The following NKIRAS1 variants were observed in gnomAD, a reference collection of about 807,000 sequenced individuals.
NKIRAS1 encodes the protein NFKB inhibitor interacting Ras like 1.
A neutral mutation model predicts 19.8 loss-of-function variants in NKIRAS1; 16 were observed. The observed-to-expected ratio is 0.81, with a 90% CI of 0.55 to 1.23. The LOEUF (loss-of-function observed/expected upper bound fraction) is 1.23, where lower values mean the gene tolerates loss of function less well. NKIRAS1 is among the 50% of genes most tolerant of loss of function. The probability of loss-of-function intolerance (pLI) is 0.00; values close to 1 mark genes in which losing one functional copy is unlikely to be tolerated. For synonymous variants in NKIRAS1, 88 were observed against 79.0 expected, an observed-to-expected ratio of 1.11 and a Z score of -0.61; for missense variants, 184 against 220.0, an observed-to-expected ratio of 0.84 and a Z score of 1.04.
Position 23,900,961 on chromosome 3 carries a change from G to A in NKIRAS1, c.183C>T (p.Asp61=). 1 of 1,614,144 alleles carries A rather than the reference G, an allele frequency of 6.2e-7. No homozygotes were observed. Residue 61 remains aspartate (D), a synonymous_variant, in exon 4 of 5, where the codon GAC becomes GAT. Coordinates refer to ENST00000425478, the MANE Select transcript of NKIRAS1 (RefSeq NM_020345.4). Reference sequence around the variant, plus strand: ...CCACGCCTTCCTGTAGACCTCTGGTGTCATAAAGATGTAACTGTTCTTTTA... The same window carrying A: ...CCACGCCTTCCTGTAGACCTCTGGTATCATAAAGATGTAACTGTTCTTTTA... ...RGVKEQLHLY[D]TRGLQEGVEL...
chr3:23,893,383 A>G (rs1273330408), intron 4 of NKIRAS1, 46 bp from the exon 5 acceptor site: 11 of 1,545,470 alleles, frequency 7.1e-6, no homozygotes, highest in Non-Finnish European at 8.7e-6. Flanking sequence ...CTTTGCCAAC[A>G]TCAGTTCCTG....
upstream of NKIRAS1, chr3:23,920,021 A>G (rs1398219197): frequency 2.0e-6 from 2 of 986,520 alleles, no homozygotes; most frequent in Non-Finnish European, 2.4e-6. Flanking sequence ...CTCCTGGTTC[A>G]GTGCCATGGC....
intron 4 of NKIRAS1, among the ~76,000 whole-genome samples, chr3:23,900,156 A>G (rs1475268527): frequency 6.6e-6 from 1 of 151,890 alleles, no homozygotes; most frequent in East Asian, 1.9e-4. Context: ...AGAGAGACTC[A>G]GTCTCAAAAA....
intron 4 of NKIRAS1, among the ~76,000 whole-genome samples, chr3:23,896,487 C>T (rs796668412): frequency 2.3e-4 from 35 of 152,058 alleles, no homozygotes; most frequent in African/African-American, 8.2e-4. Context: ...GTGGTGAACG[C>T]CTGTAATCCC....
chr3:23,912,880 A>G (rs2125426126), intron 1 of NKIRAS1, among the ~76,000 whole-genome samples: 1 of 152,138 alleles, frequency 6.6e-6, no homozygotes, highest in African/African-American at 2.4e-5. Flanking sequence ...GCACTTTGGG[A>G]GGCCAAGGTG....
At position 23,927,848 on chromosome 3, in the gene NKIRAS1, G is replaced by T. The variant is rs775933475; in HGVS notation, c.-139-16398C>A. Among the ~76,000 whole-genome samples, 2 of 152,168 alleles carry T rather than the reference G, an allele frequency of 1.3e-5. No homozygotes were observed. Among genetic ancestry groups the T allele is most frequent in the Non-Finnish European group, 2.9e-5 (2 of 68,040 alleles). On this transcript the variant is annotated intron_variant, in intron 1 of 4. Transcript: ENST00000421515. This position sits in a 1 kb window ranked among gnomAD's most constrained non-coding sequence, Gnocchi z 4.0. ...AATCCTAGAAATTTGGGAGGCCAAAGTGGGAGGACTGCTTGAGCCCAGGAG... is the reference window on the plus strand; with the variant it reads ...AATCCTAGAAATTTGGGAGGCCAAATTGGGAGGACTGCTTGAGCCCAGGAG...
chr3:23,912,430 A>G (rs947164105), intron 1 of NKIRAS1, among the ~76,000 whole-genome samples: 2 of 152,230 alleles, frequency 1.3e-5, no homozygotes, highest in African/African-American at 4.8e-5. Context: ...GCCAACAGAC[A>G]CATGAAAAAA....
At chr3:23,942,279 T>C (rs1305455642) in intron 1 of NKIRAS1, among the ~76,000 whole-genome samples, 16 of 152,014 alleles carry the variant, frequency 1.1e-4, no homozygotes, top group Admixed American at 1.0e-3. Flanking sequence ...GCGCCTGGCC[T>C]AGAGCAGTAC....
rs575989829 is a variant in NKIRAS1, at chr3:23,927,014, A to T, written c.-139-15564T>A. On this transcript the variant is annotated intron_variant, in intron 1 of 4. Transcript: ENST00000421515. This position sits in a 1 kb window ranked among gnomAD's most constrained non-coding sequence, Gnocchi z 4.0. Reference sequence around the variant, plus strand: ...ATGTCGCAGTTTTTAACCAAGCAACACTCTCCACAGCCCCAACATCATTCC... The same window carrying T: ...ATGTCGCAGTTTTTAACCAAGCAACTCTCTCCACAGCCCCAACATCATTCC... 6.6e-6 allele frequency among the ~76,000 whole-genome samples: 1 copy of T among 151,924 alleles called. No homozygotes were observed. Among genetic ancestry groups the T allele is most frequent in the South Asian group, 2.1e-4 (1 of 4,822 alleles).
chr3:23,934,976 A>G (rs1195358115), intron 1 of NKIRAS1, among the ~76,000 whole-genome samples: 2 of 152,184 alleles, frequency 1.3e-5, no homozygotes, highest in Non-Finnish European at 2.9e-5. Context: ...AGGATTGCTC[A>G]GCAGGACCCG....
chr3:23,944,855 C>A (rs1355158629), intron 1 of NKIRAS1, among the ~76,000 whole-genome samples: 2 of 148,672 alleles, frequency 1.3e-5, no homozygotes, highest in African/African-American at 2.5e-5. Flanking sequence ...GGGTGGGGGG[C>A]GCAAGGGTTG....
At chr3:23,934,337 A>G (rs981150018) in intron 1 of NKIRAS1, among the ~76,000 whole-genome samples, 3 of 152,186 alleles carry the variant, frequency 2.0e-5, no homozygotes, top group African/African-American at 7.2e-5. Context: ...TTGTATCCTT[A>G]TGCTCTGCCA....
chr3:23,946,039 G>A (rs962723204), intron 1 of NKIRAS1: 14 of 930,982 alleles, frequency 1.5e-5, no homozygotes, highest in Non-Finnish European at 1.8e-5. Flanking sequence ...GGGCGCGCGC[G>A]CGCGCGCTGG....
At chr3:23,925,620 T>G (rs1189260278) in intron 1 of NKIRAS1, among the ~76,000 whole-genome samples, 1 of 151,566 alleles carries the variant, frequency 6.6e-6, no homozygotes, top group Admixed American at 6.6e-5. Context: ...GTTGACAGAG[T>G]AAGACTCTGT....
upstream of NKIRAS1, among the ~76,000 whole-genome samples, chr3:23,921,298 C>T (rs927969871): frequency 9.2e-5 from 14 of 152,276 alleles, no homozygotes; most frequent in South Asian, 2.1e-4. Flanking sequence ...ATGGCACTCC[C>T]GTGCAAAAAA....
rs1293108063 is a variant in NKIRAS1 at position 23,940,168 on chromosome 3, C to CA, written c.-140+6154dup. 4.3e-3 allele frequency among the ~76,000 whole-genome samples: 305 copies of CA among 71,582 alleles called. 3 individuals are homozygous for CA. The highest frequency in any genetic ancestry group is 9.5e-3 in the East Asian group (20 of 2,108). 47.0% of individuals were successfully genotyped at this position (71,582 alleles called of 152,430 possible). ...AACACAGGAAGACTCCCATCTCTAC[C>CA]AAAAAAAAAAAAAAAAAAAAAAAGA... is the stretch of plus-strand genomic sequence containing the variant. On this transcript the variant is annotated intron_variant, in intron 1 of 4. Coordinates refer to the NKIRAS1 transcript ENST00000421515.
chr3:23,935,257 AT>A (rs1559516552), intron 1 of NKIRAS1, among the ~76,000 whole-genome samples: 2 of 152,072 alleles, frequency 1.3e-5, no homozygotes, highest in Admixed American at 6.6e-5. Flanking sequence ...GGTAAGATTT[AT>A]TGCCAACTCA....
chr3:23,899,261 C>T (rs914266824), intron 4 of NKIRAS1, among the ~76,000 whole-genome samples: 1 of 152,126 alleles, frequency 6.6e-6, no homozygotes, highest in African/African-American at 2.4e-5. Context: ...TTGACTGAAT[C>T]AACACAAATA....
At chr3:23,919,783 A>G, upstream of NKIRAS1, 3 of 1,122,938 alleles carry the variant, frequency 2.7e-6, no homozygotes, top group Non-Finnish European at 3.3e-6. Flanking sequence ...ATTCTTTAAA[A>G]GGAGAGAACT....
Sources: allele counts gnomAD v4.1 joint callset (sites outside exome capture counted in the v4.1 genomes callset), GRCh38; gene constraint gnomAD v4.1.1; non-coding constraint Gnocchi (gnomAD v3.1); transcripts MANE v1.5; gene names NCBI Gene and HGNC (gene_info 2026-07-23, HGNC 2026-07-21).